Variants in RASGEF1A observed in about 807,000 individuals in gnomAD.
RASGEF1A encodes the protein ras-GEF domain-containing family member 1A.
RASGEF1A carries 18 observed loss-of-function variants against 56.4 expected under a neutral mutation model. The observed-to-expected ratio is 0.32, with a 90% CI of 0.22 to 0.47. The LOEUF (loss-of-function observed/expected upper bound fraction) is 0.47, where lower values mean the gene tolerates loss of function less well. RASGEF1A is among the 20% of genes least tolerant of loss of function. The pLI is 1.00. For missense variants in RASGEF1A, 422 were observed against 627.1 expected, an observed-to-expected ratio of 0.67 and a Z score of 3.49; for synonymous variants, 245 against 242.6, an observed-to-expected ratio of 1.01 and a Z score of -0.09.
intron 4 of RASGEF1A, 37 bp downstream of exon 4, chr10:43,201,771 A>ACC: frequency 6.6e-7 from 1 of 1,512,062 alleles, no homozygotes; most frequent in South Asian, 1.3e-5. Context: ...CCTGGCACAC[A>ACC]CCCAAAGACC....
At chr10:43,246,064 A>C (rs1465400699) in intron 1 of RASGEF1A, among the ~76,000 whole-genome samples, 1 of 152,194 alleles carries the variant, frequency 6.6e-6, no homozygotes, top group African/African-American at 2.4e-5. Flanking sequence ...AAATAAATTC[A>C]GCAAGGCTAT....
chr10:43,197,819 G>A (rs1242665735), intron 10 of RASGEF1A, among the ~76,000 whole-genome samples, 185 bp downstream of exon 10: 1 of 152,076 alleles, frequency 6.6e-6, no homozygotes, highest in East Asian at 1.9e-4. Context: ...ACCGGCAGGC[G>A]CACCTCATAC....
At chr10:43,229,150 C>T (rs1381274092) in intron 1 of RASGEF1A, among the ~76,000 whole-genome samples, 1 of 152,240 alleles carries the variant, frequency 6.6e-6, no homozygotes, top group Non-Finnish European at 1.5e-5. Flanking sequence ...GCTCCACTCT[C>T]CCTAAACGCA....
chr10:43,226,892 C>T (rs1172579291), intron 1 of RASGEF1A, among the ~76,000 whole-genome samples: 1 of 152,226 alleles, frequency 6.6e-6, no homozygotes, highest in African/African-American at 2.4e-5. Context: ...AACGGAACAG[C>T]CCATGGACCT....
intron 2 of RASGEF1A, among the ~76,000 whole-genome samples, 173 bp downstream of exon 2, chr10:43,205,746 C>T (rs1197491866): frequency 3.9e-5 from 6 of 152,294 alleles, no homozygotes; most frequent in Non-Finnish European, 8.8e-5. Flanking sequence ...GTGGTGTATG[C>T]AGAGCAGAAG....
intron 1 of RASGEF1A, among the ~76,000 whole-genome samples, chr10:43,210,936 G>T (rs1440261609): frequency 7.1e-6 from 1 of 141,180 alleles, no homozygotes; most frequent in Non-Finnish European, 1.6e-5. Flanking sequence ...GGGAGTTGGG[G>T]ACAGGCTTGC....
chr10:43,225,443 CTG>C (rs1281954970), intron 1 of RASGEF1A, among the ~76,000 whole-genome samples: 30 of 148,810 alleles, frequency 2.0e-4, no homozygotes, highest in African/African-American at 7.5e-5. Flanking sequence ...CTGTATGTGT[CTG>C]TGTTTGTGTG....
Position 43,203,484 on chromosome 10 carries a change from G to T in RASGEF1A, c.199-64C>A, listed in dbSNP as rs956422814. ...AGGCAGGCCCCCGGGGGCTCACCGC[G>T]CTGCTTCACCTGGCCCGGCTGCCTC... On this transcript the variant is annotated intron_variant, in intron 2 of 12. Transcript: ENST00000395810. The T allele has an allele frequency of 7.5e-6, 11 of 1,460,858 alleles. No homozygotes were observed. In the African/African-American group the frequency reaches 8.6e-5, roughly 11 times the overall value. 90.5% of individuals were successfully genotyped at this position (1,460,858 alleles called of 1,614,324 possible). A position where few individuals can be genotyped will look rare whatever the true frequency, so the allele number is the denominator to read the frequency against.
rs11238473 is a variant in RASGEF1A, at chr10:43,196,845, C to T, written c.1348+131G>A. On this transcript the variant is annotated intron_variant, in intron 11 of 12. Coordinates refer to ENST00000395810, the MANE Select transcript of RASGEF1A (RefSeq NM_145313.4). The surrounding 1 kb of genome is among the most constrained non-coding windows in gnomAD (Gnocchi z 4.6). ...CCACCCTCATGCACACTCGCCCCTG[C>T]GAGCAGAGCCAGCCCTGTGTGGCAT... 1.1e-5 allele frequency: 13 copies of T among 1,151,846 alleles called. 1 individual carries two copies. Among genetic ancestry groups the T allele is most frequent in the South Asian group, 9.0e-5 (6 of 66,498 alleles). 71.4% of individuals were successfully genotyped at this position (1,151,846 alleles called of 1,614,324 possible).
intron 9 of RASGEF1A, 59 bp from the exon 10 acceptor site, chr10:43,198,254 C>G: frequency 7.0e-7 from 1 of 1,433,764 alleles, no homozygotes; most frequent in African/African-American, 1.4e-5. Flanking sequence ...CGACCTGCTC[C>G]AGATGCCCCT....
At chr10:43,214,580 G>A (rs1481683470) in intron 1 of RASGEF1A, among the ~76,000 whole-genome samples, 3 of 152,314 alleles carry the variant, frequency 2.0e-5, no homozygotes, top group East Asian at 3.9e-4. Flanking sequence ...ACAGCAGAGA[G>A]TAGGAACAAC....
In RASGEF1A at chr10:43,196,343, C is replaced by A; in HGVS notation, c.1422-75G>T. The A allele has an allele frequency of 6.3e-7, 1 of 1,587,946 alleles. No homozygotes were observed. The highest frequency in any genetic ancestry group is 1.3e-5 in the African/African-American group (1 of 74,438). Reference sequence around the variant, plus strand: ...GGTCCAAGCCATCCTCAGCCTCCCACCAAACATGCACCAGGGACCCTGGAC... The same window carrying A: ...GGTCCAAGCCATCCTCAGCCTCCCAACAAACATGCACCAGGGACCCTGGAC... On this transcript the variant is annotated intron_variant, in intron 12 of 12. Coordinates refer to ENST00000395810, the MANE Select transcript of RASGEF1A (RefSeq NM_145313.4). The surrounding 1 kb of genome is among the most constrained non-coding windows in gnomAD (Gnocchi z 4.6).
In RASGEF1A at chr10:43,196,560, G is replaced by C; in HGVS notation, c.1349-12C>G. ...GGCGACGAAGAGAGCTGAGAGATGG[G>C]AAAGTCCCTCAGAGCCTGTGTCCCC... On this transcript the variant is annotated splice_polypyrimidine_tract_variant and intron_variant, in intron 11 of 12. Transcript: ENST00000395810. This position sits in a 1 kb window ranked among gnomAD's most constrained non-coding sequence, Gnocchi z 4.6. The C allele has an allele frequency of 1.9e-6, 3 of 1,612,314 alleles. No homozygotes were observed. Among genetic ancestry groups the C allele is most frequent in the South Asian group, 2.2e-5 (2 of 91,078 alleles).
At chr10:43,225,257 T>G (rs867059702) in intron 1 of RASGEF1A, among the ~76,000 whole-genome samples, 19 of 39,226 alleles carry the variant, frequency 4.8e-4, no homozygotes, top group East Asian at 2.0e-3. Flanking sequence ...TGGGGGTCTG[T>G]GGGGGGGGGG....
chr10:43,233,548 G>C (rs1840397531), intron 1 of RASGEF1A, among the ~76,000 whole-genome samples: 1 of 152,268 alleles, frequency 6.6e-6, no homozygotes, highest in South Asian at 2.1e-4. Flanking sequence ...GACTCATCTG[G>C]GAAAGGCACT....
intron 1 of RASGEF1A, among the ~76,000 whole-genome samples, chr10:43,219,282 G>C (rs558703663): frequency 1.3e-5 from 2 of 152,378 alleles, no homozygotes; most frequent in African/African-American, 4.8e-5. Flanking sequence ...CCCAGGGACA[G>C]AGCTGGGCAC....
At chr10:43,225,311 G>T (rs906955164) in intron 1 of RASGEF1A, among the ~76,000 whole-genome samples, 2 of 147,268 alleles carry the variant, frequency 1.4e-5, no homozygotes, top group African/African-American at 2.5e-5. Flanking sequence ...CTTTGTGTGT[G>T]TCTGTGTGTC....
intron 1 of RASGEF1A, among the ~76,000 whole-genome samples, chr10:43,212,438 G>C (rs573847943): frequency 1.3e-5 from 2 of 152,222 alleles, no homozygotes; most frequent in African/African-American, 4.8e-5. Flanking sequence ...GAACAGCCAC[G>C]TGCTGATGGC....
chr10:43,261,044 C>T (rs1243381218), intron 1 of RASGEF1A, among the ~76,000 whole-genome samples: 1 of 151,982 alleles, frequency 6.6e-6, no homozygotes, highest in Non-Finnish European at 1.5e-5. Flanking sequence ...TTGGTGGGTG[C>T]CTGGTGACCG....
Sources: gnomAD v4.1 joint callset for allele counts (sites outside exome capture counted in the v4.1 genomes callset) on GRCh38, gnomAD v4.1.1 for gene constraint, Gnocchi (gnomAD v3.1) non-coding constraint, MANE v1.5 for transcripts, NCBI Gene and HGNC (gene_info 2026-07-23, HGNC 2026-07-21) for gene names.